The following KHDRBS2 variants were observed in gnomAD, a reference collection of about 807,000 sequenced individuals.
The protein encoded by KHDRBS2 is KH RNA binding domain containing, signal transduction associated 2, also known as KH domain-containing, RNA-binding, signal transduction-associated protein 2.
Under a neutral mutation model 44.3 loss-of-function variants are expected in KHDRBS2, and 26 were observed. That is an observed-to-expected ratio of 0.59 (90% CI 0.43 to 0.81). The LOEUF (loss-of-function observed/expected upper bound fraction) is 0.81. Ranked by LOEUF, KHDRBS2 falls within the 40% of genes least tolerant of loss-of-function variation. The pLI, the probability that KHDRBS2 is intolerant of heterozygous loss-of-function variation, is 0.00. For missense variants in KHDRBS2, 476 were observed against 433.1 expected (o/e 1.10, Z -0.88); for synonymous variants, 194 against 151.1 (o/e 1.28, Z -2.08).
chr6:62,203,634 T>A (rs190902222), intron 1 of KHDRBS2, among the ~76,000 whole-genome samples: 45 of 152,136 alleles, frequency 3.0e-4, no homozygotes, highest in African/African-American at 9.9e-4. Flanking sequence ...TATGAGGTTA[T>A]CCAATGCAGG....
intron 4 of KHDRBS2, among the ~76,000 whole-genome samples, chr6:61,966,655 C>A (rs1583844151): frequency 6.6e-6 from 1 of 152,128 alleles, no homozygotes; most frequent in East Asian, 1.9e-4. Context: ...TGTCACTAGT[C>A]ACATGGCATT....
chr6:61,720,648 G>A (rs1191515940), intron 7 of KHDRBS2, among the ~76,000 whole-genome samples: 2 of 152,076 alleles, frequency 1.3e-5, no homozygotes, highest in Admixed American at 6.6e-5. Context: ...TTGTGAATTT[G>A]TTTGAGTTCA....
At chr6:61,579,270 T>C in the KHDRBS2 span, among the ~76,000 whole-genome samples, 2,438 of 152,240 alleles carry the variant, frequency 0.016, 65 homozygotes, top group African/African-American at 0.057. Context: ...GAATAAACTA[T>C]TTGGACTCCG....
rs1796680282 is a variant in KHDRBS2 at position 61,859,941 on chromosome 6, A to G, written c.810+34694T>C. Among the ~76,000 whole-genome samples the G allele has an allele frequency of 3.9e-5, 6 of 152,078 alleles. No homozygotes were observed. The South Asian group carries it at 1.2e-3, about 32-fold the overall frequency. ...AGAAAGATTTGAGAGATTATACAGAAGCCTGAGAATGAGAGGAATATGGGA... is the reference window on the plus strand; with the variant it reads ...AGAAAGATTTGAGAGATTATACAGAGGCCTGAGAATGAGAGGAATATGGGA... On this transcript the variant is annotated intron_variant, in intron 6 of 8. Transcript: ENST00000281156.
the KHDRBS2 span, among the ~76,000 whole-genome samples, chr6:61,628,271 CT>C: frequency 1.8e-5 from 2 of 111,686 alleles, no homozygotes; most frequent in Non-Finnish European, 3.3e-5. Context: ...ACTACTTAAA[CT>C]GGCTTATCTT....
At chr6:61,773,055 G>A (rs1479403795) in intron 6 of KHDRBS2, among the ~76,000 whole-genome samples, 1 of 152,134 alleles carries the variant, frequency 6.6e-6, no homozygotes, top group African/African-American at 2.4e-5. Flanking sequence ...TGATATTTGG[G>A]TTGGTTCCAA....
At chr6:61,608,688 G>A in the KHDRBS2 span, among the ~76,000 whole-genome samples, 1 of 151,696 alleles carries the variant, frequency 6.6e-6, no homozygotes, top group Non-Finnish European at 1.5e-5. Flanking sequence ...AACATGCAGT[G>A]TTTGGTTTTT....
At chr6:61,829,094 T>G (rs1166617208) in intron 6 of KHDRBS2, among the ~76,000 whole-genome samples, 2 of 152,216 alleles carry the variant, frequency 1.3e-5, no homozygotes, top group East Asian at 1.9e-4. Context: ...ATAACACAGA[T>G]GTACGTTTTA....
chr6:61,777,850 C>T (rs1327821951), intron 6 of KHDRBS2, among the ~76,000 whole-genome samples: 1 of 151,910 alleles, frequency 6.6e-6, no homozygotes, highest in Non-Finnish European at 1.5e-5. Flanking sequence ...TATTTGCTTT[C>T]CTTTTTAACT....
chr6:62,030,119 G>T (rs1784077148), intron 3 of KHDRBS2, among the ~76,000 whole-genome samples: 1 of 151,980 alleles, frequency 6.6e-6, no homozygotes, highest in South Asian at 2.1e-4. Flanking sequence ...CCAATAAAAT[G>T]TCAGAGATGA....
At chr6:62,029,902 C>T (rs559832480) in intron 3 of KHDRBS2, among the ~76,000 whole-genome samples, 1 of 151,850 alleles carries the variant, frequency 6.6e-6, no homozygotes, top group East Asian at 1.9e-4. Context: ...TAGATATAAG[C>T]TCCTTTACTA....
chr6:62,203,851 C>G (rs1281335176), intron 1 of KHDRBS2, among the ~76,000 whole-genome samples: 1 of 152,084 alleles, frequency 6.6e-6, no homozygotes, highest in African/African-American at 2.4e-5. Context: ...AATTCAGTGC[C>G]AAATTCTGGA....
chr6:61,641,762 C>G, the KHDRBS2 span, among the ~76,000 whole-genome samples: 1 of 152,182 alleles, frequency 6.6e-6, no homozygotes, highest in African/African-American at 2.4e-5. Flanking sequence ...GTTTAGTAGA[C>G]ATTGGTTAAA....
At chr6:61,870,917 G>T (rs1798566358) in intron 6 of KHDRBS2, among the ~76,000 whole-genome samples, 2 of 152,182 alleles carry the variant, frequency 1.3e-5, no homozygotes, top group Non-Finnish European at 2.9e-5. Context: ...GTGCAAAAAG[G>T]CTGAAAATTC....
chr6:61,591,764 C>A, the KHDRBS2 span, among the ~76,000 whole-genome samples: 2 of 152,116 alleles, frequency 1.3e-5, no homozygotes, highest in East Asian at 3.9e-4. Context: ...TTACCACAGC[C>A]CTGCTCTTTC....
chr6:61,779,697 C>T (rs1416445973), intron 6 of KHDRBS2, among the ~76,000 whole-genome samples: 1 of 152,088 alleles, frequency 6.6e-6, no homozygotes, highest in Non-Finnish European at 1.5e-5. Context: ...TATATTAATA[C>T]TACTACCAAC....
chr6:62,125,222 G>C (rs994136077), intron 2 of KHDRBS2, among the ~76,000 whole-genome samples: 1 of 152,190 alleles, frequency 6.6e-6, no homozygotes, highest in Non-Finnish European at 1.5e-5. Flanking sequence ...GAGAGGAAGA[G>C]GGCAGTGATT....
chr6:61,905,850 T>TTCTC (rs1804890241), intron 4 of KHDRBS2, among the ~76,000 whole-genome samples: 1 of 121,736 alleles, frequency 8.2e-6, no homozygotes, highest in South Asian at 2.5e-4. Flanking sequence ...GGAACAAAAC[T>TTCTC]TTTCTTTTTT....
intron 3 of KHDRBS2, among the ~76,000 whole-genome samples, chr6:62,001,867 T>C (rs184623586): frequency 6.6e-6 from 1 of 152,248 alleles, no homozygotes; most frequent in Admixed American, 6.5e-5. Flanking sequence ...ATCTATTTCA[T>C]CTTTAGGTTG....
Sources: allele counts gnomAD v4.1 joint callset (sites outside exome capture counted in the v4.1 genomes callset), GRCh38; gene constraint gnomAD v4.1.1; transcripts MANE v1.5; gene names NCBI Gene and HGNC (gene_info 2026-07-23, HGNC 2026-07-21).